BCAS3: variants seen among roughly 807,000 people sequenced by gnomAD.
BCAS3 encodes BCAS4/BCAS3 fusion.
In BCAS3, 53 loss-of-function variants were observed where a neutral mutation model predicts 116.1. That is an observed-to-expected ratio of 0.46 (90% CI 0.37 to 0.57). The LOEUF is 0.57. Ranked by LOEUF, BCAS3 falls within the 20% of genes least tolerant of loss-of-function variation. The pLI is 0.00. For synonymous variants in BCAS3, 391 were observed against 408.2 expected, an observed-to-expected ratio of 0.96 and a Z score of 0.51; for missense variants, 917 against 1,165.4, an observed-to-expected ratio of 0.79 and a Z score of 3.10.
intron 22 of BCAS3, among the ~76,000 whole-genome samples, chr17:61,218,211 T>G (rs915147952): frequency 6.6e-6 from 1 of 152,188 alleles, no homozygotes; most frequent in Non-Finnish European, 1.5e-5. Flanking sequence ...CCCTCTCTAC[T>G]GCCGCATTCC....
intron 2 of BCAS3, among the ~76,000 whole-genome samples, chr17:60,680,111 G>A (rs1724791912): frequency 7.3e-6 from 1 of 136,092 alleles, no homozygotes. Flanking sequence ...CCTAGCCTGG[G>A]CGACACAGCA....
At chr17:60,930,323 A>G (rs562268659) in intron 13 of BCAS3, among the ~76,000 whole-genome samples, 33 of 152,346 alleles carry the variant, frequency 2.2e-4, no homozygotes, top group Admixed American at 6.5e-4. Context: ...AGGGAAGTTT[A>G]TGTAAAACAA....
At chr17:60,981,498 GTC>G (rs1450311897) in intron 14 of BCAS3, among the ~76,000 whole-genome samples, 1 of 152,080 alleles carries the variant, frequency 6.6e-6, no homozygotes, top group Non-Finnish European at 1.5e-5. Context: ...GGCCAGGCTG[GTC>G]TGGAACCCCT....
At chr17:61,262,123 G>T (rs923824889) in intron 22 of BCAS3, among the ~76,000 whole-genome samples, 32 of 151,926 alleles carry the variant, frequency 2.1e-4, no homozygotes, top group African/African-American at 7.7e-4. Flanking sequence ...CAATCCAGAA[G>T]AATGAACAAA....
rs946529535 is a variant in BCAS3, at chr17:61,130,162, T to C, written c.2425+45598T>C. 2.6e-5 allele frequency among the ~76,000 whole-genome samples: 4 copies of C among 152,212 alleles called. No homozygotes were observed. Among genetic ancestry groups the C allele is most frequent in the Non-Finnish European group, 5.9e-5 (4 of 68,024 alleles). ...TTTGGTGGACAGCTAAAAGACCCAC[T>C]TTCACCTTAACTGAGTTTATGTGAC... is the stretch of plus-strand genomic sequence containing the variant. On this transcript the variant is annotated intron_variant, in intron 22 of 23. Transcript: ENST00000407086. This position sits in a 1 kb window ranked among gnomAD's most constrained non-coding sequence, Gnocchi z 5.0.
intron 10 of BCAS3, among the ~76,000 whole-genome samples, chr17:60,891,363 G>A (rs543873077): frequency 6.6e-6 from 1 of 152,322 alleles, no homozygotes; most frequent in South Asian, 2.1e-4. Flanking sequence ...ATATGCACCA[G>A]TTGTTTTCCC....
chr17:61,092,909 T>TC, intron 22 of BCAS3, among the ~76,000 whole-genome samples: 1 of 142,100 alleles, frequency 7.0e-6, no homozygotes, highest in East Asian at 2.0e-4. Flanking sequence ...CTTTTTTTTT[T>TC]TTTTTTTTTT....
At chr17:60,715,337 A>C (rs984166921) in intron 5 of BCAS3, among the ~76,000 whole-genome samples, 2 of 151,650 alleles carry the variant, frequency 1.3e-5, no homozygotes, top group African/African-American at 4.8e-5. Context: ...GGGTTTCACC[A>C]TGTTGGCCAG....
At chr17:61,117,172 T>TA (rs2075521640) in intron 22 of BCAS3, among the ~76,000 whole-genome samples, 1 of 152,242 alleles carries the variant, frequency 6.6e-6, no homozygotes, top group Non-Finnish European at 1.5e-5. Flanking sequence ...GAGCCCCTGT[T>TA]ATTCAGACTG....
intron 16 of BCAS3, among the ~76,000 whole-genome samples, chr17:61,033,235 T>C (rs536384891): frequency 1.5e-4 from 23 of 152,172 alleles, no homozygotes; most frequent in Non-Finnish European, 2.9e-4. Context: ...ATCAGAATCA[T>C]CTGGAGGGTT....
chr17:61,231,733 C>T (rs186372099), intron 22 of BCAS3, among the ~76,000 whole-genome samples: 3 of 151,954 alleles, frequency 2.0e-5, no homozygotes, highest in East Asian at 3.9e-4. Flanking sequence ...TTACCATTAG[C>T]CAGGTGTGGT....
Position 61,228,012 on chromosome 17 carries a change from T to G in BCAS3, c.2426-140315T>G, listed in dbSNP as rs1242832449. ...CCCTTTCCACCTGGAGACTGTCCTT[T>G]CCAATTTCCAGCACAGGTTTTGCAT... is the stretch of plus-strand genomic sequence containing the variant. On this transcript the variant is annotated intron_variant, in intron 22 of 23. Coordinates refer to ENST00000407086, the MANE Select transcript of BCAS3 (RefSeq NM_017679.5). The surrounding 1 kb of genome is among the most constrained non-coding windows in gnomAD (Gnocchi z 5.0). 1.3e-5 allele frequency among the ~76,000 whole-genome samples: 2 copies of G among 152,090 alleles called. No homozygotes were observed. Among genetic ancestry groups the G allele is most frequent in the Non-Finnish European group, 2.9e-5 (2 of 68,036 alleles).
intron 6 of BCAS3, among the ~76,000 whole-genome samples, chr17:60,762,014 G>A (rs1342464732): frequency 6.6e-6 from 1 of 152,094 alleles, no homozygotes; most frequent in Non-Finnish European, 1.5e-5. Flanking sequence ...CTTTTGAGAA[G>A]GGTCTGTTCA....
rs1040194215 is a variant in BCAS3 at position 61,104,899 on chromosome 17, T to C, written c.2425+20335T>C. On this transcript the variant is annotated intron_variant, in intron 22 of 23. Coordinates refer to ENST00000407086, the MANE Select transcript of BCAS3 (RefSeq NM_017679.5). The surrounding 1 kb of genome is among the most constrained non-coding windows in gnomAD (Gnocchi z 4.1). ...TGCAAAAAAGATTTCCTGGTAGAAG[T>C]AAGTAGTGTCTTTTGCTAGTGTACC... Among the ~76,000 whole-genome samples, 1 of 152,192 alleles carries C rather than the reference T, an allele frequency of 6.6e-6. No individual in the cohort carries two copies. Among genetic ancestry groups the C allele is most frequent in the African/African-American group, 2.4e-5 (1 of 41,438 alleles).
Position 61,368,294 on chromosome 17 carries a change from G to A in BCAS3, c.2426-33G>A. 10 of 1,561,270 alleles carry A rather than the reference G, an allele frequency of 6.4e-6. No individual in the cohort carries two copies. Among genetic ancestry groups the A allele is most frequent in the Non-Finnish European group, 8.7e-6 (10 of 1,144,548 alleles). On this transcript the variant is annotated intron_variant, in intron 22 of 23. Transcript: ENST00000407086. The surrounding 1 kb of genome is among the most constrained non-coding windows in gnomAD (Gnocchi z 6.0). ...GAATGGCCTGCTCCCTGAAGGTGTGGACTCAACGTCAGATGTCCCGTGTGT... is the reference window on the plus strand; with the variant it reads ...GAATGGCCTGCTCCCTGAAGGTGTGAACTCAACGTCAGATGTCCCGTGTGT...
At chr17:60,877,555 C>T (rs1471209684) in intron 9 of BCAS3, among the ~76,000 whole-genome samples, 1 of 152,096 alleles carries the variant, frequency 6.6e-6, no homozygotes, top group Non-Finnish European at 1.5e-5. Context: ...TGAATACTTC[C>T]ACCTGAATTG....
At position 61,374,187 on chromosome 17, in the gene BCAS3, CT is replaced by C. The variant is rs547428310; in HGVS notation, c.2593+5708del. Reference sequence around the variant, plus strand: ...GTATCTGTTTGCTGCTGTTAACTTCCTTTTTTTTTTTTTTTCTCTGTCACCC... The same window carrying C: ...GTATCTGTTTGCTGCTGTTAACTTCCTTTTTTTTTTTTTTCTCTGTCACCC... On this transcript the variant is annotated intron_variant, in intron 23 of 23. Coordinates refer to ENST00000407086, the MANE Select transcript of BCAS3 (RefSeq NM_017679.5). Among the ~76,000 whole-genome samples the C allele has an allele frequency of 4.3e-3, 564 of 132,314 alleles. 2 individuals carry two copies. The highest frequency in any genetic ancestry group is 8.1e-3 in the East Asian group (36 of 4,454). 86.8% of individuals were successfully genotyped at this position (132,314 alleles called of 152,430 possible).
intron 5 of BCAS3, among the ~76,000 whole-genome samples, chr17:60,734,785 T>A (rs577375130): frequency 6.6e-6 from 1 of 152,340 alleles, no homozygotes; most frequent in African/African-American, 2.4e-5. Context: ...GCTTTCTCCT[T>A]CGTATTTAGT....
In BCAS3 at chr17:61,302,035, C is replaced by T. The variant is rs1306586237; in HGVS notation, c.2426-66292C>T. On this transcript the variant is annotated intron_variant, in intron 22 of 23. Coordinates refer to ENST00000407086, the MANE Select transcript of BCAS3 (RefSeq NM_017679.5). This position sits in a 1 kb window ranked among gnomAD's most constrained non-coding sequence, Gnocchi z 4.4. ...AACGCTTATTCCCATTCTGCAGAGA[C>T]CCAGTGGCTTGCTGAGGAAAGGCTA... Among the ~76,000 whole-genome samples, 1 of 152,142 alleles carries T rather than the reference C, an allele frequency of 6.6e-6. No homozygotes were observed. Among genetic ancestry groups the T allele is most frequent in the Non-Finnish European group, 1.5e-5 (1 of 68,042 alleles).
Sources: gnomAD v4.1 joint callset for allele counts (sites outside exome capture counted in the v4.1 genomes callset) on GRCh38, gnomAD v4.1.1 for gene constraint, Gnocchi (gnomAD v3.1) non-coding constraint, MANE v1.5 for transcripts, NCBI Gene and HGNC (gene_info 2026-07-23, HGNC 2026-07-21) for gene names.